Variants in DOCK10 observed in about 807,000 individuals in gnomAD.
DOCK10 encodes dedicator of cytokinesis 10.
Under a neutral mutation model 280.1 loss-of-function variants are expected in DOCK10, and 145 were observed. That is an observed-to-expected ratio of 0.52 (90% CI 0.45 to 0.59). The LOEUF is 0.59. DOCK10 is among the 20% of genes least tolerant of loss of function. The pLI, the probability that DOCK10 is intolerant of heterozygous loss-of-function variation, is 0.00. For missense variants in DOCK10, 2,368 were observed against 2,651.7 expected (o/e 0.89, Z 2.35); for synonymous variants, 915 against 942.2 (o/e 0.97, Z 0.53).
chr2:224,827,262 CAA>C (rs111476278), intron 27 of DOCK10, among the ~76,000 whole-genome samples: 42,328 of 109,824 alleles, frequency 0.39, 8,022 homozygotes, highest in African/African-American at 0.57. Flanking sequence ...AACTCCGTCT[CAA>C]AAAAAAAAAA....
chr2:224,863,166 T>A (rs1225776988), intron 13 of DOCK10, among the ~76,000 whole-genome samples: 1 of 152,212 alleles, frequency 6.6e-6, no homozygotes, highest in Non-Finnish European at 1.5e-5. Flanking sequence ...ATGGGCCATA[T>A]AGTCTCTGTC....
chr2:224,889,099 A>G (rs986771624), intron 4 of DOCK10, among the ~76,000 whole-genome samples: 1 of 152,356 alleles, frequency 6.6e-6, no homozygotes, highest in Non-Finnish European at 1.5e-5. Flanking sequence ...GATTATTTAT[A>G]TTGTGTAAAA....
rs143186714 is a variant in DOCK10 at position 225,018,850 on chromosome 2, G to A, written c.123+23402C>T. On this transcript the variant is annotated intron_variant, in intron 1 of 55. Coordinates refer to ENST00000258390, the MANE Select transcript of DOCK10 (RefSeq NM_014689.3). ...GTATGTGTATATACATATGTATATC[G>A]TTATATATGTGTATATACATATGTA... Among the ~76,000 whole-genome samples the A allele has an allele frequency of 4.9e-3, 695 of 142,332 alleles. 13 individuals carry two copies. Among genetic ancestry groups the A allele is most frequent in the Admixed American group, 0.032 (453 of 14,166 alleles). The allele number at this position is 142,332 out of a possible 152,430, so 93.4% of individuals were successfully genotyped here.
chr2:224,944,318 C>T (rs1703271456), intron 1 of DOCK10, among the ~76,000 whole-genome samples: 1 of 152,200 alleles, frequency 6.6e-6, no homozygotes, highest in Non-Finnish European at 1.5e-5. Context: ...CCAGTGACTT[C>T]GACTGCTGAA....
intron 27 of DOCK10, among the ~76,000 whole-genome samples, chr2:224,825,502 T>C (rs948907312): frequency 1.4e-4 from 21 of 152,250 alleles, no homozygotes; most frequent in African/African-American, 4.8e-4. Context: ...AACAGTCACC[T>C]TTTAAAGAAT....
intron 11 of DOCK10, among the ~76,000 whole-genome samples, chr2:224,870,922 G>T (rs1698240734): frequency 6.8e-6 from 1 of 146,124 alleles, no homozygotes; most frequent in Non-Finnish European, 1.5e-5. Flanking sequence ...CACCTCCTGG[G>T]TTCAGGCGAT....
chr2:224,911,240 G>T (rs971722961), intron 3 of DOCK10, among the ~76,000 whole-genome samples: 4 of 152,118 alleles, frequency 2.6e-5, no homozygotes, highest in Admixed American at 6.5e-5. Flanking sequence ...GTGAAGGTGA[G>T]AAATTTCCCC....
intron 4 of DOCK10, among the ~76,000 whole-genome samples, chr2:224,887,931 CCT>C (rs1411108269): frequency 1.3e-5 from 2 of 152,062 alleles, no homozygotes; most frequent in African/African-American, 4.8e-5. Context: ...TTGACTTCTC[CCT>C]GTTTCCTCTC....
chr2:224,847,277 C>T (rs1269889327), intron 19 of DOCK10, among the ~76,000 whole-genome samples: 1 of 152,164 alleles, frequency 6.6e-6, no homozygotes, highest in African/African-American at 2.4e-5. Flanking sequence ...TGTGAAGTAG[C>T]ATGGCACAGT....
chr2:224,812,404 T>C (rs1349753595), intron 31 of DOCK10, among the ~76,000 whole-genome samples: 1 of 152,206 alleles, frequency 6.6e-6, no homozygotes. Context: ...AATGAGGTTT[T>C]CTAGATACAC....
intron 24 of DOCK10, among the ~76,000 whole-genome samples, chr2:224,838,087 T>C (rs901514978): frequency 1.3e-5 from 2 of 152,188 alleles, no homozygotes; most frequent in African/African-American, 4.8e-5. Flanking sequence ...ATGTAAGTAG[T>C]GTTGTAATAT....
chr2:224,904,438 C>T (rs942779734), intron 3 of DOCK10, among the ~76,000 whole-genome samples: 6 of 152,094 alleles, frequency 3.9e-5, no homozygotes, highest in South Asian at 2.1e-4. Flanking sequence ...TTTGAAGCAA[C>T]GTTTGTGGTT....
intron 25 of DOCK10, among the ~76,000 whole-genome samples, chr2:224,835,696 G>GAA (rs1165729556): frequency 1.6e-4 from 24 of 152,196 alleles, no homozygotes; most frequent in African/African-American, 5.8e-4. Flanking sequence ...GAATTGACTA[G>GAA]AATCTAGTCT....
chr2:224,925,145 AG>A (rs1701981887), intron 2 of DOCK10, among the ~76,000 whole-genome samples: 1 of 152,016 alleles, frequency 6.6e-6, no homozygotes, highest in Admixed American at 6.6e-5. Flanking sequence ...GATTTAAAAG[AG>A]GTTGAGATTC....
intron 1 of DOCK10, among the ~76,000 whole-genome samples, chr2:224,964,175 T>C (rs1000390818): frequency 1.3e-5 from 2 of 152,186 alleles, no homozygotes; most frequent in Admixed American, 6.5e-5. Context: ...TTTAAGTGGA[T>C]GTAATAAAAA....
At chr2:224,775,759 G>A (rs928032192) in intron 51 of DOCK10, among the ~76,000 whole-genome samples, 1 of 152,194 alleles carries the variant, frequency 6.6e-6, no homozygotes, top group Admixed American at 6.5e-5. Context: ...AGAGCCAAGG[G>A]CCACTGCACC....
chr2:224,862,499 G>A (rs774061549), intron 14 of DOCK10, 165 bp downstream of exon 14: 3 of 601,312 alleles, frequency 5.0e-6, no homozygotes, highest in Non-Finnish European at 6.0e-6. Context: ...CTTGTGAAAT[G>A]TATGTCTCAG....
intron 1 of DOCK10, among the ~76,000 whole-genome samples, chr2:225,040,441 G>T (rs1690387453): frequency 6.6e-6 from 1 of 151,850 alleles, no homozygotes. Context: ...TCTTTTTAAA[G>T]ACAGCGAGCT....
rs1294736467 is a variant in DOCK10 at position 225,021,398 on chromosome 2, G to A, written c.123+20854C>T. On this transcript the variant is annotated intron_variant, in intron 1 of 55. Transcript: ENST00000258390. ...AGTCTATGGTTCTACCCACCCAGGA[G>A]GCCCATTTATGATTATGTCCCCCTT... Among the ~76,000 whole-genome samples, 6 of 152,236 alleles carry A rather than the reference G, an allele frequency of 3.9e-5. No individual in the cohort carries two copies. In the South Asian group the frequency reaches 1.0e-3, roughly 26 times the overall value.
Sources: gnomAD v4.1 joint callset for allele counts (sites outside exome capture counted in the v4.1 genomes callset) on GRCh38, gnomAD v4.1.1 for gene constraint, MANE v1.5 for transcripts, NCBI Gene and HGNC (gene_info 2026-07-23, HGNC 2026-07-21) for gene names.